Variants in APP observed in about 807,000 individuals in gnomAD.
APP encodes amyloid-beta precursor protein.
A neutral mutation model predicts 101.4 loss-of-function variants in APP; 31 were observed. The observed-to-expected ratio is 0.31, with a 90% CI of 0.23 to 0.41. The LOEUF (loss-of-function observed/expected upper bound fraction) is 0.41. Among genes scored for constraint, APP ranks in the 10% least tolerant of loss-of-function variants. APP has a pLI of 1.00. For synonymous variants in APP, 366 were observed against 364.4 expected, an observed-to-expected ratio of 1.00 and a Z score of -0.05; for missense variants, 839 against 1,003.7, an observed-to-expected ratio of 0.84 and a Z score of 2.22.
intron 5 of APP, among the ~76,000 whole-genome samples, chr21:26,042,655 A>C (rs541353887): frequency 6.6e-6 from 1 of 152,292 alleles, no homozygotes; most frequent in South Asian, 2.1e-4. Context: ...TAATCTCAAC[A>C]CTTTGGGAGG....
At chr21:26,045,062 G>A (rs2045548112) in intron 5 of APP, among the ~76,000 whole-genome samples, 1 of 151,984 alleles carries the variant, frequency 6.6e-6, no homozygotes, top group Admixed American at 6.5e-5. Context: ...AAATGCCCAA[G>A]GCAGGAATCT....
chr21:26,060,635 T>C (rs895792811), intron 3 of APP, among the ~76,000 whole-genome samples: 2 of 152,154 alleles, frequency 1.3e-5, no homozygotes, highest in Admixed American at 1.3e-4. Context: ...GTTTGTTTGT[T>C]TTTTCTGAGG....
intron 5 of APP, among the ~76,000 whole-genome samples, chr21:26,033,137 G>C (rs2044917953): frequency 6.6e-6 from 1 of 152,130 alleles, no homozygotes; most frequent in Non-Finnish European, 1.5e-5. Context: ...ATATGGTTTG[G>C]CTGTGTCCTC....
intron 2 of APP, among the ~76,000 whole-genome samples, chr21:26,107,181 C>T (rs2062201774): frequency 6.6e-6 from 1 of 152,138 alleles, no homozygotes; most frequent in South Asian, 2.1e-4. Context: ...CTATTCCACA[C>T]CCTTAGAGCT....
chr21:25,980,825 C>A (rs1264590016), intron 9 of APP, among the ~76,000 whole-genome samples: 1 of 152,154 alleles, frequency 6.6e-6, no homozygotes, highest in African/African-American at 2.4e-5. Flanking sequence ...GTTTGTTACT[C>A]AGCTCCCAAG....
chr21:26,167,205 T>C (rs1052776743), intron 1 of APP, among the ~76,000 whole-genome samples: 2 of 152,204 alleles, frequency 1.3e-5, no homozygotes, highest in Non-Finnish European at 1.5e-5. Flanking sequence ...TTCCACTTTG[T>C]TTTATTATCA....
At chr21:26,166,028 T>C (rs1160430166) in intron 1 of APP, among the ~76,000 whole-genome samples, 1 of 152,158 alleles carries the variant, frequency 6.6e-6, no homozygotes, top group Non-Finnish European at 1.5e-5. Context: ...ATAACCAAGA[T>C]TAATCTAAAG....
At chr21:25,992,780 C>T (rs2042918770) in intron 8 of APP, among the ~76,000 whole-genome samples, 1 of 152,170 alleles carries the variant, frequency 6.6e-6, no homozygotes, top group African/African-American at 2.4e-5. Context: ...TCTTTTAATG[C>T]TTTAAAATTG....
At chr21:26,028,012 T>C (rs941258579) in intron 5 of APP, among the ~76,000 whole-genome samples, 3 of 151,852 alleles carry the variant, frequency 2.0e-5, no homozygotes, top group Non-Finnish European at 4.4e-5. Flanking sequence ...CTGGCCAACA[T>C]AGTGAAATTC....
intron 13 of APP, among the ~76,000 whole-genome samples, chr21:25,954,215 G>A (rs1186462806): frequency 1.3e-5 from 2 of 152,122 alleles, no homozygotes; most frequent in Non-Finnish European, 2.9e-5. Context: ...TGGAACAATC[G>A]TGACACTCAA....
chr21:26,032,537 T>TG (rs2044876580), intron 5 of APP, among the ~76,000 whole-genome samples: 1 of 152,126 alleles, frequency 6.6e-6, no homozygotes, highest in South Asian at 2.1e-4. Context: ...TGCTGTGACT[T>TG]GGTTTCCTCA....
chr21:25,977,704 A>G (rs1209835848), intron 9 of APP, among the ~76,000 whole-genome samples: 1 of 152,254 alleles, frequency 6.6e-6, no homozygotes, highest in Non-Finnish European at 1.5e-5. Context: ...TGAAAAGCAT[A>G]TCAAAAATAA....
rs2061419885 is a variant in APP, at chr21:26,072,032, A to G, written c.355+17911T>C. On this transcript the variant is annotated intron_variant, in intron 3 of 17. Coordinates refer to ENST00000346798, the MANE Select transcript of APP (RefSeq NM_000484.4). ...GCCTTCGCTTTTAAGTTTCCATAAT[A>G]GGGCAGTTGACTATTTATATAAGTC... Among the ~76,000 whole-genome samples, 4 of 152,210 alleles carry G rather than the reference A, an allele frequency of 2.6e-5. No individual in the cohort carries two copies. The South Asian group carries it at 8.3e-4, about 32-fold the overall frequency.
chr21:26,146,754 T>A (rs1175428815), intron 1 of APP, among the ~76,000 whole-genome samples: 1 of 152,220 alleles, frequency 6.6e-6, no homozygotes, highest in African/African-American at 2.4e-5. Context: ...AAATGTTCAT[T>A]TTTCTCTGAA....
Position 25,880,761 on chromosome 21 carries a change from A to T in APP, c.*909T>A, listed in dbSNP as rs1432127189. 6.6e-6 allele frequency: 1 copy of T among 152,272 alleles called. No homozygotes were observed. The highest frequency in any genetic ancestry group is 6.5e-5 in the Admixed American group (1 of 15,282). The allele number at this position is 152,272 out of a possible 1,614,324, so 9.4% of individuals were successfully genotyped here. A position where few individuals can be genotyped will look rare whatever the true frequency, so the allele number is the denominator to read the frequency against. On this transcript the variant is annotated 3_prime_UTR_variant, in exon 18 of 18. Coordinates refer to ENST00000346798, the MANE Select transcript of APP (RefSeq NM_000484.4). ...CTCCCCACCCAAAATTACTTCGATT[A>T]TTTAATGTCTGTAGTCATCCTTCAA...
At chr21:26,032,805 A>AAAAAAT (rs1491556765) in intron 5 of APP, among the ~76,000 whole-genome samples, 2 of 124,474 alleles carry the variant, frequency 1.6e-5, no homozygotes, top group South Asian at 2.4e-4. Flanking sequence ...AAAAAAAAAA[A>AAAAAAT]ATATATATAT....
chr21:26,155,588 G>A (rs564795637), intron 1 of APP, among the ~76,000 whole-genome samples: 1 of 152,328 alleles, frequency 6.6e-6, no homozygotes, highest in South Asian at 2.1e-4. Context: ...ATACAGACCT[G>A]TAGGTTACCA....
chr21:25,994,459 A>C (rs1405699410), intron 8 of APP, among the ~76,000 whole-genome samples: 1 of 152,198 alleles, frequency 6.6e-6, no homozygotes, highest in Non-Finnish European at 1.5e-5. Flanking sequence ...CAATGCTCAA[A>C]ATTGGTTTTT....
Position 26,048,491 on chromosome 21 carries a change from T to C in APP, c.662+2509A>G, listed in dbSNP as rs574208581. On this transcript the variant is annotated intron_variant, in intron 5 of 17. Transcript: ENST00000346798. ...TTGTGTTGGTCCGCATTCAAAGTCG[T>C]CCTGGGCAGTGGGCTGGATAAGCTT... Among the ~76,000 whole-genome samples the C allele has an allele frequency of 5.3e-3, 802 of 152,276 alleles. 5 individuals carry two copies. The highest frequency in any genetic ancestry group is 6.2e-3 in the Non-Finnish European group (425 of 68,028).
Sources: gnomAD v4.1 joint callset for allele counts (sites outside exome capture counted in the v4.1 genomes callset) on GRCh38, gnomAD v4.1.1 for gene constraint, MANE v1.5 for transcripts, NCBI Gene and HGNC (gene_info 2026-07-23, HGNC 2026-07-21) for gene names.